The following NR3C2 variants were observed in gnomAD, a reference collection of about 807,000 sequenced individuals.
The protein encoded by NR3C2 is mineralocorticoid receptor.
NR3C2 carries 15 observed loss-of-function variants against 86.4 expected under a neutral mutation model. That is an observed-to-expected ratio of 0.17 (90% confidence interval 0.12 to 0.27). NR3C2 has a LOEUF of 0.27. Ranked by LOEUF, NR3C2 falls within the 10% of genes least tolerant of loss-of-function variation. NR3C2 has a pLI of 1.00. For synonymous variants in NR3C2, 458 were observed against 450.5 expected, an observed-to-expected ratio of 1.02 and a Z score of -0.21; for missense variants, 960 against 1,195.6, an observed-to-expected ratio of 0.80 and a Z score of 2.91.
At chr4:148,414,211 G>T (rs180846942) in intron 2 of NR3C2, among the ~76,000 whole-genome samples, 1 of 152,052 alleles carries the variant, frequency 6.6e-6, no homozygotes, top group Admixed American at 6.6e-5. Context: ...CTAAATATAC[G>T]CATACACCTA....
chr4:148,318,759 G>A (rs1209192073), intron 2 of NR3C2, among the ~76,000 whole-genome samples: 1 of 152,130 alleles, frequency 6.6e-6, no homozygotes, highest in Non-Finnish European at 1.5e-5. Context: ...TGAGTTCATT[G>A]TAGATTCTGG....
upstream of NR3C2, chr4:148,444,605 C>T: frequency 2.0e-6 from 2 of 988,750 alleles, no homozygotes; most frequent in Non-Finnish European, 2.4e-6. Context: ...GCCGCCGCCA[C>T]CAGCAAGTCC....
chr4:148,280,410 G>A (rs963965104), intron 2 of NR3C2, among the ~76,000 whole-genome samples: 3 of 152,168 alleles, frequency 2.0e-5, no homozygotes, highest in African/African-American at 7.2e-5. Flanking sequence ...GTCAATTACA[G>A]TAAAGAAAAA....
At position 148,244,326 on chromosome 4, in the gene NR3C2, C is replaced by T. The variant is rs116623460; in HGVS notation, c.1897+15652G>A. Among the ~76,000 whole-genome samples, 1,378 of 152,264 alleles carry T rather than the reference C, an allele frequency of 9.1e-3. 23 individuals carry two copies. Among genetic ancestry groups the T allele is most frequent in the African/African-American group, 0.031 (1,304 of 41,546 alleles). On this transcript the variant is annotated intron_variant, in intron 3 of 8. Transcript: ENST00000358102. ...GAAAGTTTAAAAATATGTTTTTAGA[C>T]AATGTAAATAAACTTCAATTTAAAA...
chr4:148,323,115 C>G (rs1457070461), intron 2 of NR3C2, among the ~76,000 whole-genome samples: 1 of 149,332 alleles, frequency 6.7e-6, no homozygotes, highest in Non-Finnish European at 1.5e-5. Context: ...CCCTCAGCTG[C>G]AGGTCTGTTG....
intron 2 of NR3C2, among the ~76,000 whole-genome samples, chr4:148,338,602 C>T (rs533823146): frequency 3.3e-5 from 5 of 152,102 alleles, no homozygotes; most frequent in Non-Finnish European, 1.5e-5. Context: ...CAGGATGGAA[C>T]AGGGTAAGCC....
intron 6 of NR3C2, among the ~76,000 whole-genome samples, chr4:148,145,969 A>G (rs973182071): frequency 6.6e-6 from 1 of 152,118 alleles, no homozygotes; most frequent in Non-Finnish European, 1.5e-5. Context: ...GAAACGAAGG[A>G]GCAGGGAGAA....
chr4:148,406,587 T>C (rs934340119), intron 2 of NR3C2, among the ~76,000 whole-genome samples: 5 of 152,104 alleles, frequency 3.3e-5, no homozygotes, highest in Non-Finnish European at 7.4e-5. Flanking sequence ...AGGTAAGAGA[T>C]GAGACAAAGA....
At chr4:148,401,068 T>C (rs1748137111) in intron 2 of NR3C2, among the ~76,000 whole-genome samples, 1 of 152,262 alleles carries the variant, frequency 6.6e-6, no homozygotes, top group Non-Finnish European at 1.5e-5. Context: ...GCTGGTCAGA[T>C]GTTTTACACA....
chr4:148,390,924 T>C (rs72658606), intron 2 of NR3C2, among the ~76,000 whole-genome samples: 95 of 152,316 alleles, frequency 6.2e-4, no homozygotes, highest in African/African-American at 2.1e-3. Flanking sequence ...ATGAAACAGC[T>C]AAAATAATGT....
At chr4:148,086,623 T>C (rs1216260836) in intron 8 of NR3C2, among the ~76,000 whole-genome samples, 1 of 152,098 alleles carries the variant, frequency 6.6e-6, no homozygotes, top group Non-Finnish European at 1.5e-5. Flanking sequence ...ACACCTGCAA[T>C]CCCAGCTACT....
intron 4 of NR3C2, among the ~76,000 whole-genome samples, chr4:148,179,628 C>T (rs1429226057): frequency 6.6e-6 from 1 of 151,394 alleles, no homozygotes; most frequent in Non-Finnish European, 1.5e-5. Flanking sequence ...AATAAGACAC[C>T]AATTTAATGA....
At chr4:148,376,225 CTT>C (rs776277812) in intron 2 of NR3C2, among the ~76,000 whole-genome samples, 7 of 149,356 alleles carry the variant, frequency 4.7e-5, no homozygotes, top group African/African-American at 9.8e-5. Context: ...AGATGAAACT[CTT>C]TGGTGTAGAA....
chr4:148,253,931 C>T (rs548764489), intron 3 of NR3C2, among the ~76,000 whole-genome samples: 1 of 152,258 alleles, frequency 6.6e-6, no homozygotes, highest in South Asian at 2.1e-4. Flanking sequence ...ATGAACCTTT[C>T]ATCCCTTGCC....
At chr4:148,158,616 G>A (rs1212290050) in intron 4 of NR3C2, among the ~76,000 whole-genome samples, 1 of 152,096 alleles carries the variant, frequency 6.6e-6, no homozygotes, top group East Asian at 1.9e-4. Flanking sequence ...ATGATTTATT[G>A]ACTAGAACAG....
At chr4:148,100,175 C>A (rs188991167) in intron 8 of NR3C2, among the ~76,000 whole-genome samples, 1 of 152,268 alleles carries the variant, frequency 6.6e-6, no homozygotes, top group East Asian at 1.9e-4. Context: ...TCAAACACCG[C>A]TTTTAATTTT....
In NR3C2 at chr4:148,381,594, G is replaced by C. The variant is rs572745547; in HGVS notation, c.1757+53510C>G. ...CGAACAAGACATCTGTGCAATAAAA[G>C]TTCATGTGTAGAGTAATCTTTAAAA... On this transcript the variant is annotated intron_variant, in intron 2 of 8. Transcript: ENST00000358102. Among the ~76,000 whole-genome samples, 108 of 152,198 alleles carry C rather than the reference G, an allele frequency of 7.1e-4. 1 individual carries two copies. Among genetic ancestry groups the C allele is most frequent in the African/African-American group, 2.2e-3 (90 of 41,532 alleles).
At position 148,102,203 on chromosome 4, in the gene NR3C2, A is replaced by G. The variant is rs190457291; in HGVS notation, c.2799+11901T>C. Among the ~76,000 whole-genome samples the G allele has an allele frequency of 6.0e-3, 908 of 152,098 alleles. 8 individuals are homozygous for G. Among genetic ancestry groups the G allele is most frequent in the African/African-American group, 0.021 (854 of 41,488 alleles). On this transcript the variant is annotated intron_variant, in intron 8 of 8. Transcript: ENST00000358102. ...TTTGCAGCCACCTCCCCATTTGACC[A>G]CAGTGTTTCCTCTGGACCCTCTTCC...
Position 148,423,046 on chromosome 4 carries a change from T to C in NR3C2, c.1757+12058A>G, listed in dbSNP as rs898160822. Reference sequence around the variant, plus strand: ...TTTGGGTCCAATAACCTGTATTCAATGATTTCTTCCTTTAAATTGTCTCTA... The same window carrying C: ...TTTGGGTCCAATAACCTGTATTCAACGATTTCTTCCTTTAAATTGTCTCTA... On this transcript the variant is annotated intron_variant, in intron 2 of 8. Coordinates refer to ENST00000358102, the MANE Select transcript of NR3C2 (RefSeq NM_000901.5). Among the ~76,000 whole-genome samples the C allele has an allele frequency of 2.6e-5, 4 of 152,294 alleles. No individual in the cohort carries two copies. In the East Asian group the frequency reaches 7.7e-4, roughly 29 times the overall value.
Sources: gnomAD v4.1 joint callset for allele counts (sites outside exome capture counted in the v4.1 genomes callset) on GRCh38, gnomAD v4.1.1 for gene constraint, MANE v1.5 for transcripts, NCBI Gene and HGNC (gene_info 2026-07-23, HGNC 2026-07-21) for gene names.